ERCC2: variants seen among roughly 807,000 people sequenced by gnomAD.
The protein encoded by ERCC2 is ERCC excision repair 2, TFIIH core complex helicase subunit, also known as general transcription and DNA repair factor IIH helicase subunit XPD.
ERCC2 carries 90 observed loss-of-function variants against 99.4 expected under a neutral mutation model. The observed-to-expected ratio is 0.91, with a 90% CI of 0.76 to 1.08. ERCC2 has a LOEUF of 1.08. ERCC2 is among the 50% of genes least tolerant of loss of function. ERCC2 has a pLI of 0.00. For synonymous variants in ERCC2, 497 were observed against 432.4 expected (o/e 1.15, Z -1.85); for missense variants, 993 against 1,038.1 (o/e 0.96, Z 0.60).
Position 45,353,303 on chromosome 19 carries a change from A to G in ERCC2, c.1697T>C (p.Leu566Pro). ...GILENIQRNK[L>P]LFIETQDGAE... is the part of the protein sequence containing the mutation. ...ACCATCCTGGGTCTCAATAAAGAGC[A>G]GCTTGTTCCTCTGGATGTTCTCAAG... is the stretch of plus-strand genomic sequence containing the variant. The change falls in exon 18 of 23, where the codon CTG becomes CCG. Residue 566 changes from leucine (L) to proline (P), a missense_variant. This residue lies in a region of ERCC2 where 909 missense variants were observed against 930.8 expected (regional missense o/e 0.98). Coordinates refer to ENST00000391945, the MANE Select transcript of ERCC2 (RefSeq NM_000400.4). The G allele has an allele frequency of 6.2e-7, 1 of 1,614,050 alleles. No homozygotes were observed. Among genetic ancestry groups the G allele is most frequent in the Non-Finnish European group, 8.5e-7 (1 of 1,179,958 alleles).
chr19:45,350,615 G>C lies in ERCC2; in HGVS notation c.*1014C>G, dbSNP rs1368757993. ...GGGGACTGCATGGGCCTGGGGGACTGAGCAGCATCCCCGGCCCCTCCCCAG... is the reference window on the plus strand; with the variant it reads ...GGGGACTGCATGGGCCTGGGGGACTCAGCAGCATCCCCGGCCCCTCCCCAG... On this transcript the variant is annotated 3_prime_UTR_variant, in exon 23 of 23. Coordinates refer to ENST00000391945, the MANE Select transcript of ERCC2 (RefSeq NM_000400.4). 2.5e-6 allele frequency: 4 copies of C among 1,613,364 alleles called. No homozygotes were observed. Among genetic ancestry groups the C allele is most frequent in the Non-Finnish European group, 3.4e-6 (4 of 1,179,440 alleles).
chr19:45,370,562 CG>C lies in ERCC2; in HGVS notation c.-23del. On this transcript the variant is annotated 5_prime_UTR_variant, in exon 1 of 23. Transcript: ENST00000391945. Reference sequence around the variant, plus strand: ...TCATGGCGCCGGCCGGACTGTGCAGCGGGGTCGACCCGCCTCCCTCATGAAT... The same window carrying C: ...TCATGGCGCCGGCCGGACTGTGCAGCGGGTCGACCCGCCTCCCTCATGAAT... 2 of 1,590,786 alleles carry C rather than the reference CG, an allele frequency of 1.3e-6. No individual in the cohort carries two copies. Among genetic ancestry groups the C allele is most frequent in the Non-Finnish European group, 1.7e-6 (2 of 1,173,998 alleles).
At chr19:45,359,378 C>T (rs907980858) in intron 12 of ERCC2, among the ~76,000 whole-genome samples, 19 of 152,164 alleles carry the variant, frequency 1.2e-4, no homozygotes, top group African/African-American at 4.6e-4. Flanking sequence ...TACCCAGCCC[C>T]AGGGCAAGGG....
rs1463439626 is a variant in ERCC2, at chr19:45,358,797, C to T, written c.1238-1098G>A. On this transcript the variant is annotated intron_variant, in intron 12 of 22. Coordinates refer to ENST00000391945, the MANE Select transcript of ERCC2 (RefSeq NM_000400.4). The stretch of plus-strand genomic sequence containing the variant: ...TAACTGTCACTTTCTGGAATTATTT[C>T]CTTGTTTATTTGGCTGCATCTTTGC... The T allele has an allele frequency of 1.2e-5, 9 of 779,310 alleles. No individual in the cohort carries two copies. The East Asian group carries it at 1.9e-4, about 17-fold the overall frequency. 48.3% of individuals were successfully genotyped at this position (779,310 alleles called of 1,614,324 possible).
chr19:45,352,444 C>T (rs1437389162), intron 21 of ERCC2, 62 bp downstream of exon 21: 27 of 1,613,776 alleles, frequency 1.7e-5, no homozygotes, highest in East Asian at 1.1e-4. Context: ...GGGAAATGAA[C>T]GGGAAACAGC....
At position 45,352,645 on chromosome 19, in the gene ERCC2, C is replaced by G. The variant is rs374133290; in HGVS notation, c.1907G>C (p.Arg636Pro). The change falls in exon 21 of 23, where the codon CGG (arginine) becomes CCG (proline). Residue 636 changes from arginine (R) to proline (P), a missense_variant. By Grantham distance (103) the Arg-to-Pro change is moderately radical. Around this residue, in one of 3 missense-constraint regions of ERCC2, gnomAD observed 909 missense variants for 930.8 expected, o/e 0.98. Transcript: ENST00000391945. ...VYTQSRILKA[R>P]LEYLRDQFQI... ...GAACTGGTCCCGCAGGTATTCCAGC[C>G]GCGCCTGCAGATACGGAGGATGAGA... 6.2e-7 allele frequency: 1 copy of G among 1,613,816 alleles called. No homozygotes were observed. Among genetic ancestry groups the G allele is most frequent in the African/African-American group, 1.3e-5 (1 of 74,926 alleles).
chr19:45,363,660 C>T, intron 11 of ERCC2, 83 bp downstream of exon 11: 1 of 1,424,172 alleles, frequency 7.0e-7, no homozygotes, highest in South Asian at 1.3e-5. Context: ...CAGTGGTGAC[C>T]TGGGGCTACA....
chr19:45,355,788 T>A, intron 15 of ERCC2, 60 bp from the exon 16 acceptor site: 1 of 1,288,786 alleles, frequency 7.8e-7, no homozygotes, highest in Non-Finnish European at 1.1e-6. Context: ...GCGTGAGTGC[T>A]GACCACCTGC....
intron 5 of ERCC2, among the ~76,000 whole-genome samples, chr19:45,367,536 A>G (rs1446688557): frequency 8.4e-6 from 1 of 119,368 alleles, no homozygotes; most frequent in African/African-American, 3.5e-5. Flanking sequence ...TTTTTTTTTG[A>G]GACGGAGTTT....
In ERCC2 at chr19:45,357,248, A is replaced by G. The variant is rs770849865; in HGVS notation, c.1479+22T>C. On this transcript the variant is annotated intron_variant, in intron 15 of 22. Transcript: ENST00000391945. ...TGCCCCCATCTCCCCTCCCGGCCCC[A>G]GCCCTAGCCTCTCCCACTCACCATA... is the stretch of plus-strand genomic sequence containing the variant. The G allele has an allele frequency of 6.9e-6, 11 of 1,583,598 alleles. No homozygotes were observed. In the South Asian group the frequency reaches 1.0e-4, roughly 14 times the overall value.
rs1322522998 is a variant in ERCC2, at chr19:45,350,520, C to CA, written c.*1108_*1109insT. ...CCCCCATCTTTCCCCCTAGGTGCCC[C>CA]CAACACAGGCACAGCTGGTGACGCA... On this transcript the variant is annotated 3_prime_UTR_variant, in exon 23 of 23. Transcript: ENST00000391945. 8 of 1,613,990 alleles carry CA rather than the reference C, an allele frequency of 5.0e-6. No homozygotes were observed. Among genetic ancestry groups the CA allele is most frequent in the Non-Finnish European group, 6.8e-6 (8 of 1,179,970 alleles).
intron 5 of ERCC2, among the ~76,000 whole-genome samples, chr19:45,367,193 C>T (rs564464392): frequency 6.0e-4 from 91 of 151,888 alleles, no homozygotes; most frequent in East Asian, 3.9e-4. Flanking sequence ...ACAAATTAGC[C>T]GGGTGTAGTG....
At position 45,350,543 on chromosome 19, in the gene ERCC2, G is replaced by T. The variant is rs199738278; in HGVS notation, c.*1086C>A. The T allele has an allele frequency of 6.2e-7, 1 of 1,613,876 alleles. No individual in the cohort carries two copies. Among genetic ancestry groups the T allele is most frequent in the Non-Finnish European group, 8.5e-7 (1 of 1,179,974 alleles). ...CCCCAACACAGGCACAGCTGGTGAC[G>T]CAGAACAGGTGAGGATGGGCTGTGC... On this transcript the variant is annotated 3_prime_UTR_variant, in exon 23 of 23. Coordinates refer to ENST00000391945, the MANE Select transcript of ERCC2 (RefSeq NM_000400.4).
rs199863965 is a variant in ERCC2 at position 45,364,033 on chromosome 19, G to A, written c.902C>T (p.Thr301Met). The change falls in exon 10 of 23, where the codon ACG (threonine) becomes ATG (methionine). Residue 301 changes from threonine to methionine, a missense_variant. Thr to Met is a moderately conservative substitution (Grantham distance 81, BLOSUM62 -1). Around this residue, in one of 3 missense-constraint regions of ERCC2, gnomAD observed 909 missense variants for 930.8 expected, o/e 0.98. Coordinates refer to ENST00000391945, the MANE Select transcript of ERCC2 (RefSeq NM_000400.4). ...CACGGGGTTGGCCAGGTGGGCGTCC[G>A]TCTCCCGGGCGGCGCTGGCCTCCCG... The part of the protein sequence containing the change: ...GLREASAARE[T>M]DAHLANPVLP... 24 of 1,558,600 alleles carry A rather than the reference G, an allele frequency of 1.5e-5. No homozygotes were observed. The highest frequency in any genetic ancestry group is 4.7e-5 in the South Asian group (4 of 85,496).
Position 45,364,312 on chromosome 19 carries a change from G to A in ERCC2, c.738C>T (p.Ser246=), listed in dbSNP as rs747977075. ...TCCGGCGGGTGAGGTTGACGCTCAT[G>A]GAGTCGATGCAGACGTTGTCTGGAG... ...AHNIDNVCID[S]MSVNLTRRTL... The change falls in exon 9 of 23, where the codon TCC becomes TCT. Residue 246 remains serine, a synonymous_variant. Transcript: ENST00000391945. 1.2e-6 allele frequency: 2 copies of A among 1,614,058 alleles called. No individual in the cohort carries two copies. Among genetic ancestry groups the A allele is most frequent in the Admixed American group, 1.7e-5 (1 of 60,032 alleles).
intron 12 of ERCC2, 88 bp downstream of exon 12, chr19:45,361,436 G>A (rs1355068445): frequency 1.1e-6 from 1 of 942,306 alleles, no homozygotes; most frequent in Middle Eastern, 2.1e-4. Flanking sequence ...AAAGCCCTGT[G>A]TGTCCTGCCA....
intron 16 of ERCC2, 137 bp downstream of exon 16, chr19:45,355,528 G>T (rs1270756771): frequency 1.3e-5 from 11 of 834,300 alleles, no homozygotes; most frequent in Admixed American, 1.9e-5. Flanking sequence ...CAGTGGACGT[G>T]TACCACGGGC....
intron 5 of ERCC2, among the ~76,000 whole-genome samples, chr19:45,368,231 G>GC: frequency 6.6e-6 from 1 of 152,186 alleles, no homozygotes; most frequent in Non-Finnish European, 1.5e-5. Flanking sequence ...GGCATCGGCT[G>GC]CAACATTTCA....
At chr19:45,355,582 G>A (rs1026866778) in intron 16 of ERCC2, 83 bp downstream of exon 16, 10 of 1,229,766 alleles carry the variant, frequency 8.1e-6, no homozygotes, top group Admixed American at 1.7e-5. Flanking sequence ...AGGGATATTT[G>A]TTACAGCAGC....
Sources: allele counts gnomAD v4.1 joint callset (sites outside exome capture counted in the v4.1 genomes callset), GRCh38; gene constraint gnomAD v4.1.1; regional missense constraint gnomAD v4.1.1; transcripts MANE v1.5; gene names NCBI Gene and HGNC (gene_info 2026-07-23, HGNC 2026-07-21).